Variants in PDE4D observed in about 807,000 individuals in gnomAD.
PDE4D encodes the protein phosphodiesterase 4D.
Under a neutral mutation model 87.4 loss-of-function variants are expected in PDE4D, and 24 were observed. That is an observed-to-expected ratio of 0.27 (90% CI 0.20 to 0.39). The LOEUF is 0.39. PDE4D is among the 10% of genes least tolerant of loss of function. PDE4D has a pLI of 1.00. For missense variants in PDE4D, 714 were observed against 1,041.0 expected, an observed-to-expected ratio of 0.69 and a Z score of 4.32; for synonymous variants, 384 against 383.2, an observed-to-expected ratio of 1.00 and a Z score of -0.02.
intron 1 of PDE4D, among the ~76,000 whole-genome samples, chr5:59,457,895 T>TA (rs547691299): frequency 1.3e-4 from 19 of 149,432 alleles, no homozygotes; most frequent in African/African-American, 3.7e-4. Context: ...AAACTCTGTC[T>TA]AAAAAAAAAG....
At chr5:59,852,990 A>G (rs1370019703) in intron 1 of PDE4D, among the ~76,000 whole-genome samples, 1 of 152,246 alleles carries the variant, frequency 6.6e-6, no homozygotes, top group African/African-American at 2.4e-5. Flanking sequence ...GAAAAGATTA[A>G]GAGTTCTCTC....
In PDE4D at chr5:60,473,117, GAGAAAGAAAGGAAGGAAGGA is replaced by G. The variant is rs1430503894; in HGVS notation, c.-90+14805_-90+14824del. On this transcript the variant is annotated intron_variant, in intron 1 of 16. Coordinates refer to the PDE4D transcript ENST00000502484. ...TGAAAGAAAGAAAGAAAGAGAGAGA[GAGAAAGAAAGGAAGGAAGGA>G]AGGAAGGAAGGAAGGAAGGAAGGAA... Among the ~76,000 whole-genome samples the G allele has an allele frequency of 2.8e-3, 224 of 81,036 alleles. 5 individuals carry two copies. The highest frequency in any genetic ancestry group is 0.015 in the African/African-American group (219 of 14,878). The allele number at this position is 81,036 out of a possible 152,430, so 53.2% of individuals were successfully genotyped here.
At chr5:59,625,926 A>G (rs1019760630) in intron 1 of PDE4D, among the ~76,000 whole-genome samples, 1 of 152,128 alleles carries the variant, frequency 6.6e-6, no homozygotes, top group African/African-American at 2.4e-5. Flanking sequence ...TAAAAAAACA[A>G]AAATACAAAA....
intron 6 of PDE4D, among the ~76,000 whole-genome samples, chr5:58,997,616 C>T (rs1749526807): frequency 1.3e-5 from 2 of 151,980 alleles, no homozygotes; most frequent in Admixed American, 1.3e-4. Flanking sequence ...TGATGAATTT[C>T]TAATTGTTTT....
chr5:59,179,908 G>T (rs559720173), intron 5 of PDE4D, among the ~76,000 whole-genome samples: 69 of 152,300 alleles, frequency 4.5e-4, no homozygotes, highest in Non-Finnish European at 9.1e-4. Flanking sequence ...ATGAGATCAT[G>T]CATTCTGTTT....
intron 1 of PDE4D, among the ~76,000 whole-genome samples, chr5:59,507,679 A>AAAAAAAAAGAAAAG (rs61334148): frequency 3.4e-5 from 4 of 118,718 alleles, no homozygotes; most frequent in East Asian, 2.1e-4. Flanking sequence ...AAAAAAAAAA[A>AAAAAAAAAGAAAAG]AAAAGAAAAG....
chr5:60,054,779 A>C (rs1249079956), intron 2 of PDE4D, among the ~76,000 whole-genome samples: 1 of 152,180 alleles, frequency 6.6e-6, no homozygotes, highest in Non-Finnish European at 1.5e-5. Flanking sequence ...ATACTTTATC[A>C]AATGATGTTG....
intron 1 of PDE4D, chr5:60,520,905 G>A (rs1310955971): frequency 6.6e-6 from 1 of 152,530 alleles, no homozygotes; most frequent in Non-Finnish European, 1.5e-5. Flanking sequence ...GGCAGCCAGA[G>A]TCTCTGTGGG....
intron 1 of PDE4D, among the ~76,000 whole-genome samples, chr5:60,448,435 G>C (rs1199495678): frequency 1.3e-5 from 2 of 152,064 alleles, no homozygotes; most frequent in Admixed American, 1.3e-4. Context: ...TTTTGCAACA[G>C]AAAAACCTTC....
chr5:59,410,950 C>T (rs1037630340), intron 1 of PDE4D, among the ~76,000 whole-genome samples: 2 of 152,146 alleles, frequency 1.3e-5, no homozygotes, highest in African/African-American at 4.8e-5. Flanking sequence ...AGTTGATAGA[C>T]TTTCATTTAC....
At chr5:60,351,902 G>A (rs558875243) in intron 1 of PDE4D, among the ~76,000 whole-genome samples, 2 of 150,942 alleles carry the variant, frequency 1.3e-5, no homozygotes, top group East Asian at 1.9e-4. Context: ...AACTCTTGGG[G>A]TCAAGCGATC....
At chr5:59,725,811 CA>C (rs942385453) in intron 1 of PDE4D, among the ~76,000 whole-genome samples, 1 of 148,292 alleles carries the variant, frequency 6.7e-6, no homozygotes, top group African/African-American at 2.4e-5. Context: ...ACTCCATAAA[CA>C]TTAAAGTTAG....
intron 1 of PDE4D, among the ~76,000 whole-genome samples, chr5:60,294,975 T>C (rs1753241218): frequency 6.6e-6 from 1 of 152,128 alleles, no homozygotes; most frequent in African/African-American, 2.4e-5. Flanking sequence ...TAAATTGTTA[T>C]TGAGTCTTCT....
chr5:59,359,126 C>T (rs1781831787), intron 1 of PDE4D, among the ~76,000 whole-genome samples: 1 of 152,172 alleles, frequency 6.6e-6, no homozygotes. Flanking sequence ...TAGAATGAAT[C>T]TGCTAGGGAA....
chr5:59,955,844 T>A (rs1448969073), intron 3 of PDE4D, among the ~76,000 whole-genome samples: 2 of 152,112 alleles, frequency 1.3e-5, no homozygotes, highest in Admixed American at 1.3e-4. Context: ...TATCACCAAG[T>A]AAGATCGACA....
At chr5:59,996,312 CT>C (rs1364815312) in intron 2 of PDE4D, among the ~76,000 whole-genome samples, 1 of 152,066 alleles carries the variant, frequency 6.6e-6, no homozygotes, top group Non-Finnish European at 1.5e-5. Flanking sequence ...TGCCACATTC[CT>C]TTTTTTTCCT....
At chr5:59,339,498 A>T (rs1353526795) in intron 1 of PDE4D, among the ~76,000 whole-genome samples, 1 of 152,228 alleles carries the variant, frequency 6.6e-6, no homozygotes, top group East Asian at 1.9e-4. Flanking sequence ...GATTTTAAAA[A>T]GTTAAACAGT....
intron 1 of PDE4D, among the ~76,000 whole-genome samples, chr5:60,414,577 G>A (rs531028823): frequency 2.0e-5 from 3 of 152,308 alleles, no homozygotes; most frequent in South Asian, 2.1e-4. Flanking sequence ...TTGCTTTCAA[G>A]GAGAAAGAAA....
At chr5:59,702,258 G>A (rs886073816) in intron 1 of PDE4D, among the ~76,000 whole-genome samples, 1 of 151,940 alleles carries the variant, frequency 6.6e-6, no homozygotes, top group Non-Finnish European at 1.5e-5. Context: ...CAAGCAGCTG[G>A]GACTACAGGT....
Sources: allele counts gnomAD v4.1 joint callset (sites outside exome capture counted in the v4.1 genomes callset), GRCh38; gene constraint gnomAD v4.1.1; transcripts MANE v1.5; gene names NCBI Gene and HGNC (gene_info 2026-07-23, HGNC 2026-07-21).